Variants in SLC22A11 observed in about 807,000 individuals in gnomAD.
SLC22A11 encodes the protein organic anion transporter 4.
In SLC22A11, 42 loss-of-function variants were observed where a neutral mutation model predicts 49.4. The ratio of observed to expected loss-of-function variants is 0.85; its 90% CI spans 0.66 to 1.10. The LOEUF (loss-of-function observed/expected upper bound fraction) is 1.10. Among genes scored for constraint, SLC22A11 ranks in the 50% least tolerant of loss-of-function variants. The pLI, the probability that SLC22A11 is intolerant of heterozygous loss-of-function variation, is 0.00. For synonymous variants in SLC22A11, 304 were observed against 315.8 expected (o/e 0.96, Z 0.40); for missense variants, 685 against 731.6 (o/e 0.94, Z 0.74).
chr11:64,560,706 G>T (rs2038531721), intron 2 of SLC22A11, among the ~76,000 whole-genome samples: 1 of 152,196 alleles, frequency 6.6e-6, no homozygotes, highest in Non-Finnish European at 1.5e-5. Context: ...CTGGCTCAAG[G>T]CTTGTTTGTT....
In SLC22A11 at chr11:64,556,174, G is replaced by A. The variant is rs1369332550; in HGVS notation, c.175G>A (p.Ala59Thr). 1 of 1,614,166 alleles carries A rather than the reference G, an allele frequency of 6.2e-7. No homozygotes were observed. Among genetic ancestry groups the A allele is most frequent in the South Asian group, 1.1e-5 (1 of 91,076 alleles). Reference protein sequence around the residue: ...CWTHMLDNGSAVSTNMTPKAL... With the variant: ...CWTHMLDNGSTVSTNMTPKAL... ...GACACACATGCTGGACAATGGCTCT[G>A]CGGTTTCCACAAACATGACCCCCAA... The change falls in exon 1 of 10, where the codon GCG becomes ACG. Residue 59 changes from alanine (A) to threonine (T), a missense_variant. By Grantham distance (58) the Ala-to-Thr change is moderately conservative (BLOSUM62 0). Coordinates refer to ENST00000301891, the MANE Select transcript of SLC22A11 (RefSeq NM_018484.4).
At position 64,569,836 on chromosome 11, in the gene SLC22A11, A is replaced by G; in HGVS notation, c.1567A>G (p.Thr523Ala). The G allele has an allele frequency of 6.2e-7, 1 of 1,613,426 alleles. No homozygotes were observed. Among genetic ancestry groups the G allele is most frequent in the Non-Finnish European group, 8.5e-7 (1 of 1,180,002 alleles). ...PETQGLPLPD[T>A]IQDLESQKST... ...GACCCAGGGACTTCCGCTCCCTGAC[A>G]CTATCCAGGACCTGGAGAGCCAGTG... is the stretch of plus-strand genomic sequence containing the variant. The change falls in exon 9 of 10, where the codon ACT becomes GCT. Residue 523 changes from threonine to alanine, a missense_variant. Physicochemically the swap from Thr to Ala is moderately conservative, Grantham distance 58. Coordinates refer to ENST00000301891, the MANE Select transcript of SLC22A11 (RefSeq NM_018484.4).
Position 64,565,466 on chromosome 11 carries a change from G to C in SLC22A11, c.1058+129G>C. On this transcript the variant is annotated intron_variant, in intron 6 of 9. Transcript: ENST00000301891. The surrounding 1 kb of genome is among the most constrained non-coding windows in gnomAD (Gnocchi z 4.1). ...GCCTCAAGGGGGTGCATTTCTGTCT[G>C]GGACAGGACGCAGACAGCCCCAGCA... 2.6e-6 allele frequency: 2 copies of C among 762,772 alleles called. No individual in the cohort carries two copies. Among genetic ancestry groups the C allele is most frequent in the Non-Finnish European group, 4.5e-6 (2 of 443,610 alleles). The allele number at this position is 762,772 out of a possible 1,614,324, so 47.3% of individuals were successfully genotyped here.
At position 64,562,792 on chromosome 11, in the gene SLC22A11, G is replaced by A. The variant is rs1361788950; in HGVS notation, c.821+357G>A. Among the ~76,000 whole-genome samples, 3 of 152,184 alleles carry A rather than the reference G, an allele frequency of 2.0e-5. No homozygotes were observed. The highest frequency in any genetic ancestry group is 2.9e-5 in the Non-Finnish European group (2 of 68,038). On this transcript the variant is annotated intron_variant, in intron 4 of 9. Coordinates refer to ENST00000301891, the MANE Select transcript of SLC22A11 (RefSeq NM_018484.4). This position sits in a 1 kb window ranked among gnomAD's most constrained non-coding sequence, Gnocchi z 4.4. ...TTTACCTTCTTTGGAAAAACTGGAA[G>A]ATCCAGGGGCACTGGGCTGAACTTC... is the stretch of plus-strand genomic sequence containing the variant.
At chr11:64,567,899 T>C in intron 7 of SLC22A11, 86 bp downstream of exon 7, 1 of 1,386,012 alleles carries the variant, frequency 7.2e-7, no homozygotes, top group Non-Finnish European at 9.8e-7. Flanking sequence ...ATCCCCTCCC[T>C]GGCCCCAGGA....
At position 64,572,611 on chromosome 11, in the gene SLC22A11, G is replaced by A. The variant is rs1035990076; in HGVS notation, c.*1569G>A. On this transcript the variant is annotated 3_prime_UTR_variant, in exon 10 of 10. Coordinates refer to ENST00000301891, the MANE Select transcript of SLC22A11 (RefSeq NM_018484.4). ...CTGGCTACACCCTGGTTCACACCACGGTTGTAGCTCCAAACTGGTCCCTGA... is the reference window on the plus strand; with the variant it reads ...CTGGCTACACCCTGGTTCACACCACAGTTGTAGCTCCAAACTGGTCCCTGA... 2 of 152,214 alleles carry A rather than the reference G, an allele frequency of 1.3e-5. No homozygotes were observed. The highest frequency in any genetic ancestry group is 2.1e-4 in the South Asian group (1 of 4,820). The allele number at this position is 152,214 out of a possible 1,614,324, so 9.4% of individuals were successfully genotyped here. A position where few individuals can be genotyped will look rare whatever the true frequency, so the allele number is the denominator to read the frequency against.
chr11:64,558,040 C>A (rs2038488208), intron 1 of SLC22A11, among the ~76,000 whole-genome samples: 1 of 152,090 alleles, frequency 6.6e-6, no homozygotes, highest in South Asian at 2.1e-4. Flanking sequence ...TCTGGTGATC[C>A]ACCCGCCTCG....
chr11:64,565,600 G>A lies in SLC22A11; in HGVS notation c.1058+263G>A, dbSNP rs1162066688. 1 of 554,880 alleles carries A rather than the reference G, an allele frequency of 1.8e-6. No homozygotes were observed. The highest frequency in any genetic ancestry group is 2.2e-5 in the Admixed American group (1 of 45,184). 34.4% of individuals were successfully genotyped at this position (554,880 alleles called of 1,614,324 possible). On this transcript the variant is annotated intron_variant, in intron 6 of 9. Coordinates refer to ENST00000301891, the MANE Select transcript of SLC22A11 (RefSeq NM_018484.4). The surrounding 1 kb of genome is among the most constrained non-coding windows in gnomAD (Gnocchi z 4.1). ...GGCAGCTCTAGGCTGGGGGTCCCAG[G>A]GTCCCAGGGAGGTCCCAAGACAGAG... is the stretch of plus-strand genomic sequence containing the variant.
chr11:64,562,241 C>A lies in SLC22A11; in HGVS notation c.653-26C>A. The stretch of plus-strand genomic sequence containing the variant: ...GGGCTCAGGCCGCCGCATGAGGCCT[C>A]ACCTGCACGTGTCTGCATCCTTCAG... On this transcript the variant is annotated intron_variant, in intron 3 of 9. Transcript: ENST00000301891. This position sits in a 1 kb window ranked among gnomAD's most constrained non-coding sequence, Gnocchi z 4.4. 6.2e-7 allele frequency: 1 copy of A among 1,600,626 alleles called. No homozygotes were observed. The highest frequency in any genetic ancestry group is 8.5e-7 in the Non-Finnish European group (1 of 1,171,198).
In SLC22A11 at chr11:64,564,148, C is replaced by G. The variant is rs954923510; in HGVS notation, c.822-160C>G. The stretch of plus-strand genomic sequence containing the variant: ...GGGACTCAGCTTTATTCTGAAACCG[C>G]TGGGGACTGCCAGGCTCCTGGCTGG... On this transcript the variant is annotated intron_variant, in intron 4 of 9. Transcript: ENST00000301891. This position sits in a 1 kb window ranked among gnomAD's most constrained non-coding sequence, Gnocchi z 4.2. Among the ~76,000 whole-genome samples the G allele has an allele frequency of 1.3e-5, 2 of 152,168 alleles. No homozygotes were observed. The highest frequency in any genetic ancestry group is 4.8e-5 in the African/African-American group (2 of 41,444).
intron 6 of SLC22A11, among the ~76,000 whole-genome samples, chr11:64,567,266 C>T (rs747937467): frequency 1.3e-5 from 2 of 152,234 alleles, no homozygotes; most frequent in Non-Finnish European, 2.9e-5. Context: ...CCAGAGAGGG[C>T]TAGTCCGGAA....
rs141159367 is a variant in SLC22A11, at chr11:64,556,004, C to T, written c.5C>T (p.Ala2Val). The part of the protein sequence containing the change: M[A>V]FSKLLEQAGG... The stretch of plus-strand genomic sequence containing the variant: ...TCAGCCGAGGCAGCTCTGTTCATGG[C>T]GTTCTCGAAGCTCTTGGAGCAAGCC... Residue 2 changes from alanine (A) to valine (V), a missense_variant, in exon 1 of 10, where the codon GCG becomes GTG. Coordinates refer to ENST00000301891, the MANE Select transcript of SLC22A11 (RefSeq NM_018484.4). 4,519 of 1,605,046 alleles carry T rather than the reference C, an allele frequency of 2.8e-3. 14 individuals carry two copies. The highest frequency in any genetic ancestry group is 3.5e-3 in the Non-Finnish European group (4,119 of 1,177,614).
At position 64,556,243 on chromosome 11, in the gene SLC22A11, C is replaced by A. The variant is rs763597613; in HGVS notation, c.244C>A (p.Pro82Thr). 1.2e-6 allele frequency: 2 copies of A among 1,613,796 alleles called. No homozygotes were observed. The highest frequency in any genetic ancestry group is 1.7e-6 in the Non-Finnish European group (2 of 1,180,046). Reference sequence around the variant, plus strand: ...CATCCCGCCAGGCCCCAACCAGGGGCCCCACCAGTGCCGCCGCTTCCGCCA... The same window carrying A: ...CATCCCGCCAGGCCCCAACCAGGGGACCCACCAGTGCCGCCGCTTCCGCCA... ...ISIPPGPNQG[P>T]HQCRRFRQPQ... Residue 82 changes from proline (P) to threonine (T), a missense_variant, in exon 1 of 10, where the codon CCC becomes ACC. Pro to Thr is a conservative substitution (Grantham distance 38). Coordinates refer to ENST00000301891, the MANE Select transcript of SLC22A11 (RefSeq NM_018484.4).
At position 64,555,996 on chromosome 11, in the gene SLC22A11, G is replaced by C. The variant is rs2038447575; in HGVS notation, c.-4G>C. The C allele has an allele frequency of 6.2e-7, 1 of 1,603,086 alleles. No homozygotes were observed. The highest frequency in any genetic ancestry group is 1.3e-5 in the African/African-American group (1 of 74,958). Reference sequence around the variant, plus strand: ...CAGTCCGCTCAGCCGAGGCAGCTCTGTTCATGGCGTTCTCGAAGCTCTTGG... The same window carrying C: ...CAGTCCGCTCAGCCGAGGCAGCTCTCTTCATGGCGTTCTCGAAGCTCTTGG... On this transcript the variant is annotated 5_prime_UTR_variant, in exon 1 of 10. Coordinates refer to ENST00000301891, the MANE Select transcript of SLC22A11 (RefSeq NM_018484.4).
chr11:64,565,631 G>A lies in SLC22A11; in HGVS notation c.1058+294G>A. ...AGGGAGGTCCCAAGACAGAGGCAGA[G>A]CCAGGGTCCCTAGAGCCAGGGGACC... On this transcript the variant is annotated intron_variant, in intron 6 of 9. Coordinates refer to ENST00000301891, the MANE Select transcript of SLC22A11 (RefSeq NM_018484.4). The surrounding 1 kb of genome is among the most constrained non-coding windows in gnomAD (Gnocchi z 4.1). The A allele has an allele frequency of 2.0e-6, 1 of 505,172 alleles. No individual in the cohort carries two copies. The highest frequency in any genetic ancestry group is 1.6e-5 in the South Asian group (1 of 62,984). 31.3% of individuals were successfully genotyped at this position (505,172 alleles called of 1,614,324 possible).
chr11:64,562,319 A>G lies in SLC22A11; in HGVS notation c.705A>G (p.Gly235=), dbSNP rs1406888656. 2 of 1,611,160 alleles carry G rather than the reference A, an allele frequency of 1.2e-6. No homozygotes were observed. Among genetic ancestry groups the G allele is most frequent in the Non-Finnish European group, 1.7e-6 (2 of 1,178,752 alleles). ...GGGCGGTCACCATGACGGTGGTGGG[A>G]TGTGCCTTCAGCGCAGGCCAGGCGG... ...SRRAVTMTVV[G]CAFSAGQAAL... Residue 235 remains glycine (G), a synonymous_variant, in exon 4 of 10, where the codon GGA becomes GGG. Coordinates refer to ENST00000301891, the MANE Select transcript of SLC22A11 (RefSeq NM_018484.4). This position sits in a 1 kb window ranked among gnomAD's most constrained non-coding sequence, Gnocchi z 4.4.
Position 64,564,656 on chromosome 11 carries a change from A to G in SLC22A11, c.942+228A>G, listed in dbSNP as rs1327369382. ...AACAGCACCACCACTGTCCACACCC[A>G]CCATCACCTTCACTGCCATCACTCC... On this transcript the variant is annotated intron_variant, in intron 5 of 9. Coordinates refer to ENST00000301891, the MANE Select transcript of SLC22A11 (RefSeq NM_018484.4). The surrounding 1 kb of genome is among the most constrained non-coding windows in gnomAD (Gnocchi z 4.2). Among the ~76,000 whole-genome samples the G allele has an allele frequency of 6.6e-6, 1 of 151,146 alleles. No homozygotes were observed. Among genetic ancestry groups the G allele is most frequent in the Admixed American group, 6.6e-5 (1 of 15,178 alleles).
At chr11:64,569,930 G>T in intron 9 of SLC22A11, 72 bp downstream of exon 9, 1 of 1,476,130 alleles carries the variant, frequency 6.8e-7, no homozygotes, top group Non-Finnish European at 9.3e-7. Context: ...GGCCTGGGCT[G>T]CCCAGGGCAA....
intron 1 of SLC22A11, among the ~76,000 whole-genome samples, chr11:64,558,146 G>T (rs759983105): frequency 6.6e-6 from 1 of 152,088 alleles, no homozygotes; most frequent in Non-Finnish European, 1.5e-5. Flanking sequence ...CATGGCCCAG[G>T]CTGGTCTTGA....
Sources: allele counts gnomAD v4.1 joint callset (sites outside exome capture counted in the v4.1 genomes callset), GRCh38; gene constraint gnomAD v4.1.1; non-coding constraint Gnocchi (gnomAD v3.1); transcripts MANE v1.5; gene names NCBI Gene and HGNC (gene_info 2026-07-23, HGNC 2026-07-21).